The following NAALADL2 variants were observed in gnomAD, a reference collection of about 807,000 sequenced individuals.
NAALADL2 encodes N-acetylated alpha-linked acidic dipeptidase like 2.
NAALADL2 carries 76 observed loss-of-function variants against 87.2 expected under a neutral mutation model. The ratio of observed to expected loss-of-function variants is 0.87; its 90% CI spans 0.72 to 1.05. NAALADL2 has a LOEUF of 1.05. Among genes scored for constraint, NAALADL2 ranks in the 50% least tolerant of loss-of-function variants. NAALADL2 has a pLI of 0.00. For missense variants in NAALADL2, 1,089 were observed against 945.8 expected, an observed-to-expected ratio of 1.15 and a Z score of -1.99; for synonymous variants, 354 against 331.0, an observed-to-expected ratio of 1.07 and a Z score of -0.75.
chr3:175,547,117 C>G (rs187757162), intron 9 of NAALADL2, among the ~76,000 whole-genome samples: 1 of 152,158 alleles, frequency 6.6e-6, no homozygotes, highest in Admixed American at 6.5e-5. Flanking sequence ...CCAAGGCAAT[C>G]CTCAGCAAAA....
intron 1 of NAALADL2, among the ~76,000 whole-genome samples, chr3:174,876,736 T>A (rs920944030): frequency 6.6e-6 from 1 of 152,186 alleles, no homozygotes; most frequent in Admixed American, 6.5e-5. Context: ...TTATATTGAA[T>A]TTCAACAGCC....
At chr3:174,754,838 C>A (rs1485686839) in intron 3 of NAALADL2, among the ~76,000 whole-genome samples, 1 of 152,108 alleles carries the variant, frequency 6.6e-6, no homozygotes, top group East Asian at 1.9e-4. Flanking sequence ...CAGCTAAATG[C>A]TTTATATCAC....
At chr3:175,526,975 C>T (rs1356579199) in intron 9 of NAALADL2, among the ~76,000 whole-genome samples, 1 of 152,144 alleles carries the variant, frequency 6.6e-6, no homozygotes, top group Non-Finnish European at 1.5e-5. Flanking sequence ...TCATTCTTTG[C>T]CCCAATTTTT....
At chr3:174,521,887 A>G (rs1720321123) in intron 1 of NAALADL2, among the ~76,000 whole-genome samples, 1 of 152,138 alleles carries the variant, frequency 6.6e-6, no homozygotes, top group Non-Finnish European at 1.5e-5. Flanking sequence ...TCACCATTAC[A>G]CAATGTATGC....
chr3:175,239,963 G>T (rs1400074143), intron 3 of NAALADL2, among the ~76,000 whole-genome samples: 1 of 152,122 alleles, frequency 6.6e-6, no homozygotes, highest in African/African-American at 2.4e-5. Flanking sequence ...TTAAATGGGA[G>T]AAATTAAGAA....
intron 5 of NAALADL2, among the ~76,000 whole-genome samples, chr3:175,437,069 G>T (rs1474842159): frequency 7.0e-6 from 1 of 142,628 alleles, no homozygotes; most frequent in African/African-American, 2.6e-5. Flanking sequence ...TCCTACATAT[G>T]GCTAGCCAGT....
At chr3:174,530,277 C>T (rs911698599) in intron 1 of NAALADL2, among the ~76,000 whole-genome samples, 3 of 152,126 alleles carry the variant, frequency 2.0e-5, no homozygotes, top group South Asian at 2.1e-4. Flanking sequence ...GTCACCTTTG[C>T]TCCAGTTCCC....
At chr3:175,799,129 A>G (rs777286090) in intron 13 of NAALADL2, among the ~76,000 whole-genome samples, 1 of 152,080 alleles carries the variant, frequency 6.6e-6, no homozygotes, top group Non-Finnish European at 1.5e-5. Flanking sequence ...GTTTGATACA[A>G]TTTTAAAAAT....
chr3:174,590,826 G>A (rs1311066814), intron 2 of NAALADL2, among the ~76,000 whole-genome samples: 1 of 151,510 alleles, frequency 6.6e-6, no homozygotes, highest in African/African-American at 2.4e-5. Context: ...GGAAACTTTT[G>A]TTACTATTTG....
At chr3:175,578,677 A>G (rs1719277666) in intron 10 of NAALADL2, among the ~76,000 whole-genome samples, 1 of 152,194 alleles carries the variant, frequency 6.6e-6, no homozygotes, top group Non-Finnish European at 1.5e-5. Context: ...TTGATCTAAG[A>G]TATGTTTGAC....
chr3:175,359,401 A>G (rs2148902326), intron 5 of NAALADL2, among the ~76,000 whole-genome samples: 1 of 152,256 alleles, frequency 6.6e-6, no homozygotes, highest in East Asian at 1.9e-4. Context: ...AACAATGGCA[A>G]TAACAACAAC....
intron 12 of NAALADL2, among the ~76,000 whole-genome samples, chr3:175,750,923 A>G (rs1374142214): frequency 6.6e-6 from 1 of 152,184 alleles, no homozygotes; most frequent in African/African-American, 2.4e-5. Flanking sequence ...AAAGGACTCA[A>G]TAAATACCTA....
chr3:175,686,326 C>T (rs1180830694), intron 11 of NAALADL2, among the ~76,000 whole-genome samples: 1 of 152,086 alleles, frequency 6.6e-6, no homozygotes, highest in Admixed American at 6.6e-5. Flanking sequence ...TTTATAGATA[C>T]AGACCGTCTT....
At chr3:175,105,427 C>T (rs1039525913) in intron 2 of NAALADL2, among the ~76,000 whole-genome samples, 1 of 151,246 alleles carries the variant, frequency 6.6e-6, no homozygotes, top group Non-Finnish European at 1.5e-5. Flanking sequence ...GTTATTTATA[C>T]CTCTTATTGA....
intron 10 of NAALADL2, among the ~76,000 whole-genome samples, chr3:175,598,200 A>C (rs1722492239): frequency 1.3e-5 from 2 of 151,988 alleles, no homozygotes; most frequent in Admixed American, 6.6e-5. Context: ...CAATTTATCT[A>C]ATTCTGCTAT....
chr3:175,751,899 A>G (rs922939518), intron 12 of NAALADL2, among the ~76,000 whole-genome samples: 4 of 151,730 alleles, frequency 2.6e-5, no homozygotes, highest in Non-Finnish European at 5.9e-5. Flanking sequence ...ATTTAGTTTA[A>G]TTTAACTTAT....
intron 5 of NAALADL2, among the ~76,000 whole-genome samples, chr3:175,346,880 C>A (rs1270978185): frequency 6.6e-6 from 1 of 152,112 alleles, no homozygotes; most frequent in Admixed American, 6.6e-5. Flanking sequence ...AACTACTTTA[C>A]AAAACAAAAT....
chr3:175,141,821 T>C (rs992959316), intron 2 of NAALADL2, among the ~76,000 whole-genome samples: 6 of 152,118 alleles, frequency 3.9e-5, no homozygotes, highest in Non-Finnish European at 7.4e-5. Context: ...ATGTTTATTA[T>C]GTAACAGGGG....
At chr3:174,708,195 T>A (rs556722177) in intron 2 of NAALADL2, among the ~76,000 whole-genome samples, 1 of 152,200 alleles carries the variant, frequency 6.6e-6, no homozygotes, top group African/African-American at 2.4e-5. Flanking sequence ...CATCTCTACC[T>A]CCCCTTATCT....
Sources: gnomAD v4.1 joint callset for allele counts (sites outside exome capture counted in the v4.1 genomes callset) on GRCh38, gnomAD v4.1.1 for gene constraint, MANE v1.5 for transcripts, NCBI Gene and HGNC (gene_info 2026-07-23, HGNC 2026-07-21) for gene names.